Variants in MCC observed in about 807,000 individuals in gnomAD.
The protein encoded by MCC is MCC regulator of Wnt signaling pathway.
A neutral mutation model predicts 116.2 loss-of-function variants in MCC; 90 were observed. The observed-to-expected ratio is 0.77, with a 90% CI of 0.65 to 0.92. The LOEUF (loss-of-function observed/expected upper bound fraction) is 0.92. Ranked by LOEUF, MCC falls within the 40% of genes least tolerant of loss-of-function variation. The probability of loss-of-function intolerance (pLI) is 0.00; values close to 1 mark genes in which losing one functional copy is unlikely to be tolerated. For missense variants in MCC, 1,516 were observed against 1,312.2 expected (o/e 1.16, Z -2.40); for synonymous variants, 578 against 510.5 (o/e 1.13, Z -1.78).
chr5:113,115,971 C>CA (rs1436180609), intron 6 of MCC, among the ~76,000 whole-genome samples: 4 of 152,160 alleles, frequency 2.6e-5, no homozygotes, highest in Non-Finnish European at 2.9e-5. Context: ...CCAACCCCTT[C>CA]ACTGTGCCTC....
chr5:113,177,020 A>G (rs567043475), intron 3 of MCC, among the ~76,000 whole-genome samples: 64 of 152,302 alleles, frequency 4.2e-4, no homozygotes, highest in African/African-American at 1.5e-3. Context: ...AGAGAAATAT[A>G]AACAATAACA....
At chr5:113,354,782 GTATTAT>G (rs753455923) in intron 2 of MCC, among the ~76,000 whole-genome samples, 4 of 70,804 alleles carry the variant, frequency 5.6e-5, no homozygotes, top group Non-Finnish European at 9.3e-5. Flanking sequence ...CATATACCCT[GTATTAT>G]TATTATTATT....
intron 1 of MCC, among the ~76,000 whole-genome samples, chr5:113,478,947 C>G (rs1401185839): frequency 6.6e-6 from 1 of 152,160 alleles, no homozygotes; most frequent in African/African-American, 2.4e-5. Context: ...CTGGTAAGCA[C>G]TCCATACGTG....
intron 1 of MCC, among the ~76,000 whole-genome samples, chr5:113,459,106 A>T (rs973090783): frequency 7.8e-6 from 1 of 127,586 alleles, no homozygotes; most frequent in African/African-American, 3.0e-5. Flanking sequence ...GATGGCAACA[A>T]TGAGGTCTCT....
chr5:113,333,862 T>TACATATGTACAATGTAC (rs371610854), intron 3 of MCC, among the ~76,000 whole-genome samples: 1 of 94,268 alleles, frequency 1.1e-5, no homozygotes, highest in African/African-American at 3.8e-5. Flanking sequence ...TACATATATG[T>TACATATGTACAATGTAC]ATATATGTAT....
intron 3 of MCC, among the ~76,000 whole-genome samples, chr5:113,249,379 T>G (rs1764706325): frequency 6.6e-6 from 1 of 152,198 alleles, no homozygotes; most frequent in African/African-American, 2.4e-5. Context: ...CCAACTTTAC[T>G]GAGATGAAGT....
At chr5:113,141,101 A>G (rs917634072) in intron 5 of MCC, among the ~76,000 whole-genome samples, 3 of 152,158 alleles carry the variant, frequency 2.0e-5, no homozygotes, top group African/African-American at 7.2e-5. Flanking sequence ...AAAAAGGAAG[A>G]GAAAAGACAA....
At chr5:113,280,469 G>C (rs529520648) in intron 3 of MCC, among the ~76,000 whole-genome samples, 1 of 152,278 alleles carries the variant, frequency 6.6e-6, no homozygotes, top group East Asian at 1.9e-4. Flanking sequence ...ACCAGCAAAG[G>C]TGCTGAGACA....
chr5:113,161,577 G>A (rs1198081208), intron 3 of MCC, among the ~76,000 whole-genome samples: 2 of 151,572 alleles, frequency 1.3e-5, no homozygotes, highest in Non-Finnish European at 2.9e-5. Flanking sequence ...ATGGATTAAG[G>A]ACAATACTTT....
intron 8 of MCC, among the ~76,000 whole-genome samples, chr5:113,097,131 G>C (rs989939303): frequency 2.0e-5 from 3 of 152,170 alleles, no homozygotes; most frequent in Non-Finnish European, 2.9e-5. Context: ...CAAAAAAGAA[G>C]ACTCAGCTTA....
chr5:113,217,471 C>T (rs1763367698), intron 3 of MCC, among the ~76,000 whole-genome samples: 2 of 152,158 alleles, frequency 1.3e-5, no homozygotes, highest in Admixed American at 6.5e-5. Context: ...AATGTACATA[C>T]AAAACTTCAT....
chr5:113,159,123 G>C (rs1760340738), intron 3 of MCC, among the ~76,000 whole-genome samples: 1 of 152,122 alleles, frequency 6.6e-6, no homozygotes, highest in Non-Finnish European at 1.5e-5. Flanking sequence ...GTATAAATGT[G>C]GGTGATTCTC....
intron 1 of MCC, among the ~76,000 whole-genome samples, chr5:113,410,081 T>A (rs1353093109): frequency 6.6e-6 from 1 of 152,230 alleles, no homozygotes; most frequent in Non-Finnish European, 1.5e-5. Flanking sequence ...ATGACATACC[T>A]ATGTCTCTGT....
In MCC at chr5:113,156,771, C is replaced by T. The variant is rs138285353; in HGVS notation, c.628-5349G>A. On this transcript the variant is annotated intron_variant, in intron 3 of 18. Coordinates refer to ENST00000408903, the MANE Select transcript of MCC (RefSeq NM_001085377.2). ...ATTCCCTAGGCTGTTTTGAGCCCTG[C>T]TTCACATTCATTTTACAGTGTGTAT... Among the ~76,000 whole-genome samples, 381 of 152,312 alleles carry T rather than the reference C, an allele frequency of 2.5e-3. 3 individuals are homozygous for T. The highest frequency in any genetic ancestry group is 8.6e-3 in the African/African-American group (359 of 41,574).
chr5:113,383,148 C>T (rs1488209459), intron 2 of MCC, among the ~76,000 whole-genome samples: 9 of 151,984 alleles, frequency 5.9e-5, no homozygotes. Context: ...TTTTTTTTCA[C>T]AAAAAATTTC....
At chr5:113,378,293 CTG>C (rs1413691105) in intron 2 of MCC, among the ~76,000 whole-genome samples, 3 of 152,090 alleles carry the variant, frequency 2.0e-5, no homozygotes, top group African/African-American at 4.8e-5. Context: ...CTTTTTTTTA[CTG>C]TTAGTTTTTC....
intron 6 of MCC, among the ~76,000 whole-genome samples, chr5:113,113,926 T>C (rs965476228): frequency 1.3e-5 from 2 of 151,968 alleles, no homozygotes; most frequent in African/African-American, 4.8e-5. Context: ...TTGGGGAAAT[T>C]TGAATATGGA....
At chr5:113,134,027 T>C (rs978656928) in intron 5 of MCC, among the ~76,000 whole-genome samples, 1 of 152,252 alleles carries the variant, frequency 6.6e-6, no homozygotes, top group Non-Finnish European at 1.5e-5. Flanking sequence ...ATTCTGTAGT[T>C]TGTCTTTTCA....
At chr5:113,258,850 A>G (rs147441462) in intron 3 of MCC, among the ~76,000 whole-genome samples, 1,698 of 152,310 alleles carry the variant, frequency 0.011, 38 homozygotes, top group African/African-American at 0.039. Flanking sequence ...ATATAAAGTA[A>G]TATATCTTAT....
Sources: allele counts gnomAD v4.1 joint callset (sites outside exome capture counted in the v4.1 genomes callset), GRCh38; gene constraint gnomAD v4.1.1; transcripts MANE v1.5; gene names NCBI Gene and HGNC (gene_info 2026-07-23, HGNC 2026-07-21).